The following CATSPERB variants were observed in gnomAD, a reference collection of about 807,000 sequenced individuals.
CATSPERB encodes cation channel sperm-associated auxiliary subunit beta.
A neutral mutation model predicts 128.3 loss-of-function variants in CATSPERB; 93 were observed. That is an observed-to-expected ratio of 0.72 (90% confidence interval 0.61 to 0.86). The LOEUF is 0.86. CATSPERB is among the 40% of genes least tolerant of loss of function. The pLI is 0.00. For synonymous variants in CATSPERB, 381 were observed against 448.8 expected, an observed-to-expected ratio of 0.85 and a Z score of 1.91; for missense variants, 1,153 against 1,329.5, an observed-to-expected ratio of 0.87 and a Z score of 2.06.
At chr14:91,587,357 C>A in intron 25 of CATSPERB, 81 bp from the exon 26 acceptor site, 2 of 981,850 alleles carry the variant, frequency 2.0e-6, no homozygotes, top group Non-Finnish European at 1.5e-6. Flanking sequence ...TACCCTGGGG[C>A]CACTGTCCCT....
At position 91,692,037 on chromosome 14, in the gene CATSPERB, C is replaced by T. The variant is rs965739059; in HGVS notation, c.832-482G>A. 9.9e-5 allele frequency among the ~76,000 whole-genome samples: 15 copies of T among 151,914 alleles called. 1 individual carries two copies. The South Asian group carries it at 1.9e-3, about 19-fold the overall frequency. On this transcript the variant is annotated intron_variant, in intron 9 of 26. Transcript: ENST00000256343. ...CCTAAAAATACAAAAATTAACTGGG[C>T]GTGGTGGTGCATGTCTGTAATCCCA...
intron 7 of CATSPERB, among the ~76,000 whole-genome samples, chr14:91,698,179 G>A (rs1295741421): frequency 6.6e-6 from 1 of 152,042 alleles, no homozygotes; most frequent in Non-Finnish European, 1.5e-5. Context: ...CTCTCAGCTT[G>A]AATGATTTTG....
At chr14:91,687,261 C>A (rs1237410179) in intron 10 of CATSPERB, among the ~76,000 whole-genome samples, 1 of 152,032 alleles carries the variant, frequency 6.6e-6, no homozygotes. Context: ...ATTTGAACAT[C>A]ATAATTTTTA....
At chr14:91,710,277 G>T (rs913395740) in intron 5 of CATSPERB, 2 of 152,188 alleles carry the variant, frequency 1.3e-5, no homozygotes, top group Non-Finnish European at 2.9e-5. Context: ...GACTGAGGTG[G>T]TGGTGTCTCA....
intron 20 of CATSPERB, among the ~76,000 whole-genome samples, chr14:91,612,550 G>A (rs1006612710): frequency 2.6e-5 from 4 of 151,990 alleles, no homozygotes; most frequent in Non-Finnish European, 4.4e-5. Flanking sequence ...AAAAATATAC[G>A]CACAGTAAAT....
intron 20 of CATSPERB, among the ~76,000 whole-genome samples, chr14:91,613,139 T>A (rs1342303609): frequency 6.6e-6 from 1 of 152,138 alleles, no homozygotes; most frequent in Non-Finnish European, 1.5e-5. Flanking sequence ...GATAACATAC[T>A]TTTTTTAGAG....
chr14:91,708,160 A>T lies in CATSPERB; in HGVS notation c.447T>A (p.Thr149=). ...ATTTACCTCGAATAACATCCAATAGAGTTCCTTCAGTAGCATAAATATTTA... is the reference window on the plus strand; with the variant it reads ...ATTTACCTCGAATAACATCCAATAGTGTTCCTTCAGTAGCATAAATATTTA... ...HGLNIYATEG[T]LLDVIREPIL... is the part of the protein sequence containing the mutation. The change falls in exon 6 of 27, where the codon ACT becomes ACA. Residue 149 remains threonine (T), a synonymous_variant. Coordinates refer to ENST00000256343, the MANE Select transcript of CATSPERB (RefSeq NM_024764.4). 3.1e-6 allele frequency: 5 copies of T among 1,608,650 alleles called. No individual in the cohort carries two copies. Among genetic ancestry groups the T allele is most frequent in the Non-Finnish European group, 3.4e-6 (4 of 1,175,888 alleles).
Position 91,634,954 on chromosome 14 carries a change from C to T in CATSPERB, c.1742+1471G>A, listed in dbSNP as rs554284311. 5.7e-4 allele frequency among the ~76,000 whole-genome samples: 86 copies of T among 151,942 alleles called. 1 individual carries two copies. The South Asian group carries it at 6.9e-3, about 12-fold the overall frequency. Reference sequence around the variant, plus strand: ...AACAGCAGAAATTTATTTCTCACAGCTCTAGAGGCTGGAAAGTCTGAGATC... The same window carrying T: ...AACAGCAGAAATTTATTTCTCACAGTTCTAGAGGCTGGAAAGTCTGAGATC... On this transcript the variant is annotated intron_variant, in intron 17 of 26. Transcript: ENST00000256343.
intron 20 of CATSPERB, among the ~76,000 whole-genome samples, chr14:91,613,610 G>GGCACTGCCCACTGATTGTCA (rs1276718169): frequency 2.6e-5 from 4 of 152,254 alleles, no homozygotes; most frequent in African/African-American, 9.6e-5. Flanking sequence ...ACTGATTGCA[G>GGCACTGCCCACTGATTGTCA]GCACTGCCCA....
chr14:91,605,181 G>C (rs1281448382), intron 22 of CATSPERB: 1 of 1,538,848 alleles, frequency 6.5e-7, no homozygotes, highest in Non-Finnish European at 9.0e-7. Flanking sequence ...GTCTCCATGT[G>C]AGGCATCTCA....
At chr14:91,708,598 C>G (rs1895776829) in intron 5 of CATSPERB, among the ~76,000 whole-genome samples, 1 of 151,900 alleles carries the variant, frequency 6.6e-6, no homozygotes, top group South Asian at 2.1e-4. Context: ...ACAAAAAAAG[C>G]TTTTAAGGTA....
At chr14:91,604,598 T>A in intron 22 of CATSPERB, 1 of 1,610,844 alleles carries the variant, frequency 6.2e-7, no homozygotes, top group South Asian at 1.1e-5. Flanking sequence ...TCCATAGTTA[T>A]AGAAGGGACT....
intron 14 of CATSPERB, among the ~76,000 whole-genome samples, chr14:91,664,375 C>T (rs1894943890): frequency 6.7e-6 from 1 of 148,398 alleles, no homozygotes; most frequent in African/African-American, 2.5e-5. Flanking sequence ...AAGCGATTCT[C>T]CTGTCTCAGC....
At chr14:91,729,621 C>A (rs1896180840) in intron 1 of CATSPERB, 142 bp from the exon 2 acceptor site, 2 of 490,148 alleles carry the variant, frequency 4.1e-6, no homozygotes, top group South Asian at 4.0e-5. Flanking sequence ...GCAGACAACA[C>A]AACAGTTGCC....
intron 4 of CATSPERB, among the ~76,000 whole-genome samples, chr14:91,720,697 T>G (rs1896013219): frequency 6.6e-6 from 1 of 152,144 alleles, no homozygotes. Context: ...CTTATCAGAA[T>G]CCCAGATGGC....
At chr14:91,637,751 T>C (rs750197016) in intron 16 of CATSPERB, among the ~76,000 whole-genome samples, 2 of 152,192 alleles carry the variant, frequency 1.3e-5, no homozygotes, top group African/African-American at 2.4e-5. Flanking sequence ...TATTGCTGAG[T>C]ATGGCTTCGT....
intron 20 of CATSPERB, among the ~76,000 whole-genome samples, chr14:91,616,810 C>T (rs1052546065): frequency 1.5e-5 from 2 of 131,698 alleles, no homozygotes; most frequent in African/African-American, 5.7e-5. Context: ...GGCACGATCT[C>T]GGTTCACTGC....
chr14:91,723,493 A>C (rs1245184634), intron 3 of CATSPERB, among the ~76,000 whole-genome samples: 1 of 152,214 alleles, frequency 6.6e-6, no homozygotes, highest in Non-Finnish European at 1.5e-5. Context: ...TTGTGTCTAA[A>C]TAAAAAAGGA....
chr14:91,608,884 C>T (rs1893766501), intron 21 of CATSPERB, among the ~76,000 whole-genome samples: 1 of 152,138 alleles, frequency 6.6e-6, no homozygotes, highest in Admixed American at 6.5e-5. Flanking sequence ...GGGGTGCAGA[C>T]CTCCTGCACA....
Sources: gnomAD v4.1 joint callset for allele counts (sites outside exome capture counted in the v4.1 genomes callset) on GRCh38, gnomAD v4.1.1 for gene constraint, MANE v1.5 for transcripts, NCBI Gene and HGNC (gene_info 2026-07-23, HGNC 2026-07-21) for gene names.